Variants in LRMDA observed in about 807,000 individuals in gnomAD.
The protein encoded by LRMDA is leucine-rich melanocyte differentiation-associated protein.
In LRMDA, 18 loss-of-function variants were observed where a neutral mutation model predicts 29.8. The ratio of observed to expected loss-of-function variants is 0.60; its 90% confidence interval spans 0.42 to 0.90. The LOEUF is 0.90. Among genes scored for constraint, LRMDA ranks in the 40% least tolerant of loss-of-function variants. The pLI is 0.00. For synonymous variants in LRMDA, 125 were observed against 109.4 expected (o/e 1.14, Z -0.89); for missense variants, 273 against 273.9 (o/e 1.00, Z 0.02).
intron 2 of LRMDA, among the ~76,000 whole-genome samples, chr10:75,492,021 A>G (rs1292920754): frequency 6.6e-6 from 1 of 152,218 alleles, no homozygotes; most frequent in Non-Finnish European, 1.5e-5. Flanking sequence ...AGTGCCCTCA[A>G]GATAAAGCTG....
chr10:75,823,571 C>T (rs1215738023), intron 2 of LRMDA, among the ~76,000 whole-genome samples: 1 of 151,984 alleles, frequency 6.6e-6, no homozygotes, highest in Admixed American at 6.5e-5. Context: ...GGACATTTCT[C>T]AAAGAATTAA....
chr10:76,178,551 G>A (rs1009483137), intron 5 of LRMDA, among the ~76,000 whole-genome samples: 4 of 152,176 alleles, frequency 2.6e-5, no homozygotes, highest in Non-Finnish European at 4.4e-5. Flanking sequence ...ATTCCAGAGG[G>A]CACTGGATGG....
chr10:76,035,758 T>C (rs1848230843), intron 2 of LRMDA, among the ~76,000 whole-genome samples: 1 of 152,184 alleles, frequency 6.6e-6, no homozygotes, highest in Non-Finnish European at 1.5e-5. Flanking sequence ...GGATCCTGGC[T>C]ACTCACTAAG....
chr10:75,855,228 T>G (rs1210533124), intron 2 of LRMDA, among the ~76,000 whole-genome samples: 1 of 152,092 alleles, frequency 6.6e-6, no homozygotes, highest in African/African-American at 2.4e-5. Flanking sequence ...CTCCAGCACC[T>G]GTTGTTTCCT....
intron 2 of LRMDA, among the ~76,000 whole-genome samples, chr10:75,584,868 G>A (rs949648007): frequency 1.3e-5 from 2 of 152,170 alleles, no homozygotes; most frequent in South Asian, 2.1e-4. Flanking sequence ...CATGTCAGGA[G>A]CTAATGATAG....
intron 2 of LRMDA, among the ~76,000 whole-genome samples, chr10:75,911,104 C>T (rs1214791092): frequency 1.3e-5 from 2 of 152,098 alleles, no homozygotes; most frequent in South Asian, 2.1e-4. Context: ...TGACCTATGT[C>T]TGGTGTCCTA....
chr10:76,326,656 C>T (rs549033665), intron 6 of LRMDA, among the ~76,000 whole-genome samples: 14 of 152,312 alleles, frequency 9.2e-5, no homozygotes, highest in East Asian at 3.9e-4. Context: ...CAAAAACTGG[C>T]GGGCAGTAGT....
At chr10:76,163,400 C>T (rs141694009) in intron 5 of LRMDA, among the ~76,000 whole-genome samples, 48 of 152,160 alleles carry the variant, frequency 3.2e-4, no homozygotes, top group Non-Finnish European at 5.9e-4. Flanking sequence ...GAGTCCCAGG[C>T]AGTCACATTC....
chr10:76,223,756 C>T (rs1181176929), intron 5 of LRMDA, among the ~76,000 whole-genome samples: 1 of 152,178 alleles, frequency 6.6e-6, no homozygotes, highest in East Asian at 1.9e-4. Flanking sequence ...GAGAAAATTC[C>T]TATTGTTTCA....
In LRMDA at chr10:76,245,269, G is replaced by C. The variant is rs549809860; in HGVS notation, c.517-79132G>C. 6.5e-4 allele frequency among the ~76,000 whole-genome samples: 99 copies of C among 152,256 alleles called. 1 individual carries two copies. The highest frequency in any genetic ancestry group is 2.3e-3 in the African/African-American group (94 of 41,544). ...AAAGACTTGAGACCTCCACTGCCTG[G>C]TCCTATTGAGGATCCTGTGTTAATG... On this transcript the variant is annotated intron_variant, in intron 5 of 6. Coordinates refer to ENST00000611255, the MANE Select transcript of LRMDA (RefSeq NM_001305581.2).
intron 2 of LRMDA, among the ~76,000 whole-genome samples, chr10:75,491,635 A>G (rs1844988729): frequency 6.6e-6 from 1 of 152,192 alleles, no homozygotes; most frequent in South Asian, 2.1e-4. Context: ...TTGTGTAGTC[A>G]GCATTGTTTA....
In LRMDA at chr10:75,872,324, G is replaced by A. The variant is rs1042781135; in HGVS notation, c.132-163684G>A. ...TCTTTTTTTTTTTAATTTTTGAGAC[G>A]ATGGAATCTCGCTCTGTAGCCCAGG... On this transcript the variant is annotated intron_variant, in intron 2 of 6. Coordinates refer to ENST00000611255, the MANE Select transcript of LRMDA (RefSeq NM_001305581.2). Among the ~76,000 whole-genome samples, 8 of 150,648 alleles carry A rather than the reference G, an allele frequency of 5.3e-5. No homozygotes were observed. The South Asian group carries it at 8.4e-4, about 16-fold the overall frequency.
At chr10:75,462,083 T>C (rs563863617) in intron 2 of LRMDA, among the ~76,000 whole-genome samples, 1 of 152,356 alleles carries the variant, frequency 6.6e-6, no homozygotes, top group African/African-American at 2.4e-5. Flanking sequence ...GAATGAGATG[T>C]TAGGAGCTTG....
chr10:76,435,891 C>T (rs773410520), intron 6 of LRMDA, among the ~76,000 whole-genome samples: 8 of 152,056 alleles, frequency 5.3e-5, no homozygotes, highest in African/African-American at 1.4e-4. Context: ...ATAAAAAGAC[C>T]GAACAGATGA....
intron 6 of LRMDA, among the ~76,000 whole-genome samples, chr10:76,386,096 T>G (rs1308036114): frequency 6.6e-6 from 1 of 152,218 alleles, no homozygotes; most frequent in Non-Finnish European, 1.5e-5. Context: ...ATAAAAATTA[T>G]TTTGAATGAT....
chr10:75,608,139 T>TATATATATATATATAG (rs1840982663), intron 2 of LRMDA, among the ~76,000 whole-genome samples: 1 of 143,570 alleles, frequency 7.0e-6, no homozygotes, highest in Non-Finnish European at 1.5e-5. Context: ...TACACACACA[T>TATATATATATATATAG]ACACAAAGCA....
chr10:75,783,444 T>C (rs1341084133), intron 2 of LRMDA, among the ~76,000 whole-genome samples: 1 of 150,758 alleles, frequency 6.6e-6, no homozygotes. Context: ...GTCAGTAGCA[T>C]TTAACAACCA....
intron 2 of LRMDA, among the ~76,000 whole-genome samples, chr10:75,510,648 A>G (rs1414995283): frequency 6.6e-6 from 1 of 152,202 alleles, no homozygotes; most frequent in Non-Finnish European, 1.5e-5. Flanking sequence ...TGAGACAGCA[A>G]ACTCAGGTTT....
intron 2 of LRMDA, among the ~76,000 whole-genome samples, chr10:75,586,171 A>G (rs1840652471): frequency 6.6e-6 from 1 of 152,078 alleles, no homozygotes; most frequent in South Asian, 2.1e-4. Context: ...TCCTGATTTC[A>G]GTTATTAATA....
Sources: gnomAD v4.1 joint callset for allele counts (sites outside exome capture counted in the v4.1 genomes callset) on GRCh38, gnomAD v4.1.1 for gene constraint, MANE v1.5 for transcripts, NCBI Gene and HGNC (gene_info 2026-07-23, HGNC 2026-07-21) for gene names.